MRC1: variants seen among roughly 807,000 people sequenced by gnomAD.
The protein encoded by MRC1 is macrophage mannose receptor 1.
In MRC1, 62 loss-of-function variants were observed where a neutral mutation model predicts 102.9. That is an observed-to-expected ratio of 0.60 (90% confidence interval 0.49 to 0.74). The LOEUF (loss-of-function observed/expected upper bound fraction) is 0.74, where lower values mean the gene tolerates loss of function less well. MRC1 is among the 30% of genes least tolerant of loss of function. The pLI is 0.00. For synonymous variants in MRC1, 457 were observed against 298.4 expected (o/e 1.53, Z -5.48); for missense variants, 1,237 against 862.8 (o/e 1.43, Z -5.43).
At chr10:17,888,070 C>G (rs1336582736) in intron 22 of MRC1, among the ~76,000 whole-genome samples, 1 of 152,110 alleles carries the variant, frequency 6.6e-6, no homozygotes, top group African/African-American at 2.4e-5. Flanking sequence ...TCCCAAAGTG[C>G]TGGGATTACA....
rs782152231 is a variant in MRC1 at position 17,833,781 on chromosome 10, A to G, written c.744A>G (p.Gln248=). ...GGCACCAGGCGAGGAAAAGCTGCCA[A>G]CAACAGAACGCTGAGCTCCTGAGCA... is the stretch of plus-strand genomic sequence containing the variant. The part of the protein sequence containing the change: ...LTWHQARKSC[Q]QQNAELLSIT... The change falls in exon 4 of 30, where the codon CAA becomes CAG. Residue 248 remains glutamine, a synonymous_variant. Transcript: ENST00000569591. 54 of 781,014 alleles carry G rather than the reference A, an allele frequency of 6.9e-5. No homozygotes were observed. The Middle Eastern group carries it at 9.0e-4, about 13-fold the overall frequency. 48.4% of individuals were successfully genotyped at this position (781,014 alleles called of 1,614,324 possible).
At chr10:17,826,467 G>A (rs1206262265) in intron 2 of MRC1, among the ~76,000 whole-genome samples, 6 of 152,288 alleles carry the variant, frequency 3.9e-5, no homozygotes, top group African/African-American at 7.2e-5. Context: ...CTCTCAAAGC[G>A]CTGGGATTGC....
intron 15 of MRC1, 131 bp downstream of exon 15, chr10:17,872,257 G>C (rs1833364641): frequency 1.3e-6 from 1 of 766,028 alleles, no homozygotes; most frequent in Admixed American, 1.7e-5. Flanking sequence ...GGCCATCATT[G>C]CATAGGATAA....
At chr10:17,821,588 C>G (rs1554838286) in intron 1 of MRC1, among the ~76,000 whole-genome samples, 2 of 151,966 alleles carry the variant, frequency 1.3e-5, no homozygotes, top group African/African-American at 4.8e-5. Flanking sequence ...CTAGTGTGGA[C>G]AAGAGCATAC....
rs1030349616 is a variant in MRC1, at chr10:17,872,784, G to A, written c.2344+658G>A. 1.2e-4 allele frequency among the ~76,000 whole-genome samples: 18 copies of A among 152,298 alleles called. 1 individual carries two copies. Among genetic ancestry groups the A allele is most frequent in the African/African-American group, 4.3e-4 (18 of 41,564 alleles). ...CAGGCCAGAGGATCCGAGTTCTAAT[G>A]TTAAGAGAAACCAACACACCAACAA... On this transcript the variant is annotated intron_variant, in intron 15 of 29. Transcript: ENST00000569591.
At chr10:17,871,239 C>G (rs1347291226) in intron 14 of MRC1, among the ~76,000 whole-genome samples, 1 of 152,118 alleles carries the variant, frequency 6.6e-6, no homozygotes, top group Admixed American at 6.5e-5. Context: ...TTTAGAAGCC[C>G]TAGTCGTCAC....
chr10:17,901,806 A>T (rs1833833569), intron 25 of MRC1, among the ~76,000 whole-genome samples, 167 bp from the exon 26 acceptor site: 1 of 152,220 alleles, frequency 6.6e-6, no homozygotes. Flanking sequence ...AGTGGAAAAC[A>T]TTGATAAAAG....
intron 24 of MRC1, 31 bp downstream of exon 24, chr10:17,898,297 A>G (rs916809941): frequency 3.8e-6 from 3 of 780,786 alleles, no homozygotes; most frequent in Non-Finnish European, 7.2e-6. Context: ...GCAACTTGAC[A>G]TGATCAGTGA....
At position 17,885,254 on chromosome 10, in the gene MRC1, G is replaced by C. The variant is rs1833575589; in HGVS notation, c.2981-15G>C. 1 of 780,636 alleles carries C rather than the reference G, an allele frequency of 1.3e-6. No homozygotes were observed. The highest frequency in any genetic ancestry group is 1.7e-5 in the Admixed American group (1 of 58,990). 48.4% of individuals were successfully genotyped at this position (780,636 alleles called of 1,614,324 possible). A position where few individuals can be genotyped will look rare whatever the true frequency, so the allele number is the denominator to read the frequency against. On this transcript the variant is annotated splice_polypyrimidine_tract_variant and intron_variant, in intron 21 of 29. Transcript: ENST00000569591. ...CTCTCAAAGTTTAAAATTATATCAT[G>C]AAATTTTCTTTCAGCATTTCTTACC...
intron 26 of MRC1, 116 bp from the exon 27 acceptor site, chr10:17,906,770 C>T (rs1283859273): frequency 1.3e-6 from 1 of 763,768 alleles, no homozygotes; most frequent in East Asian, 2.4e-5. Flanking sequence ...AAATTCTTCC[C>T]CTTAAGTGGA....
In MRC1 at chr10:17,827,372, C is replaced by CAAAAAAAA. The variant is rs782616938; in HGVS notation, c.464-139_464-132dup. On this transcript the variant is annotated intron_variant, in intron 2 of 29. Coordinates refer to ENST00000569591, the MANE Select transcript of MRC1 (RefSeq NM_002438.4). ...TAGAAGGAGAAGGAAAAAAAATACC[C>CAAAAAAAA]AAAAAAAAAAAAAAAAAAAAAAAAA... Among the ~76,000 whole-genome samples, 97 of 64,028 alleles carry CAAAAAAAA rather than the reference C, an allele frequency of 1.5e-3. 28 individuals are homozygous for CAAAAAAAA. Among genetic ancestry groups the CAAAAAAAA allele is most frequent in the African/African-American group, 4.0e-3 (78 of 19,728 alleles). The allele number at this position is 64,028 out of a possible 152,430, so 42.0% of individuals were successfully genotyped here.
chr10:17,822,064 C>A (rs1431012064), intron 1 of MRC1, among the ~76,000 whole-genome samples: 1 of 152,110 alleles, frequency 6.6e-6, no homozygotes, highest in Admixed American at 6.5e-5. Flanking sequence ...AAAATGCTTA[C>A]CAGATCCTTT....
At chr10:17,831,164 G>A (rs2130607705) in intron 3 of MRC1, among the ~76,000 whole-genome samples, 1 of 150,608 alleles carries the variant, frequency 6.6e-6, no homozygotes, top group Admixed American at 6.6e-5. Context: ...CAAAGTGCTG[G>A]GATTGCAGTC....
rs1179744147 is a variant in MRC1, at chr10:17,809,595, A to C, written c.61+69A>C. 4 of 853,440 alleles carry C rather than the reference A, an allele frequency of 4.7e-6. No individual in the cohort carries two copies. The African/African-American group carries it at 4.9e-5, about 11-fold the overall frequency. The allele number at this position is 853,440 out of a possible 1,614,324, so 52.9% of individuals were successfully genotyped here. ...GAACCACACCTTCCTCTTCTGGGTT[A>C]CTGTGAATGGGTTCCTTTCAACATC... On this transcript the variant is annotated intron_variant, in intron 1 of 29. Transcript: ENST00000569591.
intron 15 of MRC1, among the ~76,000 whole-genome samples, chr10:17,873,574 C>T (rs898667408): frequency 6.6e-6 from 1 of 151,746 alleles, no homozygotes; most frequent in Admixed American, 6.6e-5. Context: ...ATTATTGCAC[C>T]TAATTTGTTT....
intron 15 of MRC1, among the ~76,000 whole-genome samples, chr10:17,873,366 A>G (rs1269420782): frequency 1.3e-5 from 2 of 152,210 alleles, no homozygotes; most frequent in Admixed American, 6.5e-5. Context: ...TTAAACACCT[A>G]TTACATACCA....
intron 15 of MRC1, among the ~76,000 whole-genome samples, chr10:17,873,127 A>G (rs946795869): frequency 2.6e-5 from 4 of 152,226 alleles, no homozygotes; most frequent in Non-Finnish European, 5.9e-5. Flanking sequence ...AAAGCTAGGT[A>G]ACCTGAGTCC....
intron 12 of MRC1, among the ~76,000 whole-genome samples, chr10:17,868,386 A>G (rs1250715322): frequency 4.1e-5 from 6 of 145,654 alleles, no homozygotes; most frequent in Admixed American, 2.7e-4. Context: ...AGAGTGTAGG[A>G]GAAGCTACCA....
intron 14 of MRC1, among the ~76,000 whole-genome samples, chr10:17,871,584 A>G (rs1198096324): frequency 6.6e-6 from 1 of 152,206 alleles, no homozygotes; most frequent in Non-Finnish European, 1.5e-5. Context: ...TACACATTTA[A>G]TAAAGAGAAA....
Sources: allele counts gnomAD v4.1 joint callset (sites outside exome capture counted in the v4.1 genomes callset), GRCh38; gene constraint gnomAD v4.1.1; transcripts MANE v1.5; gene names NCBI Gene and HGNC (gene_info 2026-07-23, HGNC 2026-07-21).